UNC79: variants seen among roughly 807,000 people sequenced by gnomAD.
The protein encoded by UNC79 is protein unc-79 homolog.
A neutral mutation model predicts 283.1 loss-of-function variants in UNC79; 37 were observed. That is an observed-to-expected ratio of 0.13 (90% CI 0.10 to 0.17). The LOEUF is 0.17. Among genes scored for constraint, UNC79 ranks in the 10% least tolerant of loss-of-function variants. UNC79 has a pLI of 1.00. For synonymous variants in UNC79, 1,107 were observed against 1,200.2 expected (o/e 0.92, Z 1.61); for missense variants, 2,272 against 3,211.1 (o/e 0.71, Z 7.07).
At chr14:93,632,564 G>A (rs2071850430) in intron 31 of UNC79, among the ~76,000 whole-genome samples, 1 of 151,936 alleles carries the variant, frequency 6.6e-6, no homozygotes, top group Admixed American at 6.6e-5. Context: ...GCCAGGCGTG[G>A]TGGCGCGCAC....
Position 93,415,999 on chromosome 14 carries a change from GT to G in UNC79, c.-350-51666del, listed in dbSNP as rs1186800754. ...CCTGGACTCATTAATTTTTTGGAGGGTTTTTTGTGTCTCTATTTCCTTCAGT... is the reference window on the plus strand; with the variant it reads ...CCTGGACTCATTAATTTTTTGGAGGGTTTTTGTGTCTCTATTTCCTTCAGT... On this transcript the variant is annotated intron_variant, in intron 1 of 49. Transcript: ENST00000256339. 4.6e-5 allele frequency among the ~76,000 whole-genome samples: 7 copies of G among 152,062 alleles called. No homozygotes were observed. The South Asian group carries it at 1.2e-3, about 27-fold the overall frequency.
At chr14:93,669,550 A>G (rs1596308868) in intron 40 of UNC79, among the ~76,000 whole-genome samples, 1 of 152,146 alleles carries the variant, frequency 6.6e-6, no homozygotes, top group South Asian at 2.1e-4. Context: ...AGACACCCCC[A>G]TAGTAACTTT....
rs565701763 is a variant in UNC79 at position 93,460,281 on chromosome 14, G to A, written c.23-7390G>A. ...TCCCAGCACTTTGGGAGGCTAAGGC[G>A]GGCAGATCATGAGGTCAGGAGTTCG... On this transcript the variant is annotated intron_variant, in intron 1 of 48. Coordinates refer to ENST00000555664, the Ensembl canonical transcript of UNC79. Among the ~76,000 whole-genome samples, 10 of 150,820 alleles carry A rather than the reference G, an allele frequency of 6.6e-5. No homozygotes were observed. In the South Asian group the frequency reaches 1.3e-3, roughly 19 times the overall value.
intron 1 of UNC79, among the ~76,000 whole-genome samples, chr14:93,382,316 T>A (rs1260441999): frequency 1.3e-5 from 2 of 152,136 alleles, no homozygotes; most frequent in Non-Finnish European, 2.9e-5. Context: ...TTTCTTATTC[T>A]GAATGTGTAA....
intron 34 of UNC79, among the ~76,000 whole-genome samples, chr14:93,646,388 T>C (rs1171903642): frequency 1.3e-5 from 2 of 152,182 alleles, no homozygotes; most frequent in Non-Finnish European, 2.9e-5. Flanking sequence ...AGTGTTTCCA[T>C]GAAAATGTCT....
chr14:93,695,591 A>G (rs1440809578), intron 47 of UNC79, among the ~76,000 whole-genome samples: 1 of 151,972 alleles, frequency 6.6e-6, no homozygotes, highest in Non-Finnish European at 1.5e-5. Context: ...CATATCCATC[A>G]CCTCCAAAAG....
intron 1 of UNC79, among the ~76,000 whole-genome samples, chr14:93,387,078 G>T (rs34800970): frequency 6.6e-6 from 1 of 151,520 alleles, no homozygotes; most frequent in East Asian, 1.9e-4. Context: ...AAGTAGCTCA[G>T]ATTACAGGCA....
intron 37 of UNC79, among the ~76,000 whole-genome samples, chr14:93,654,830 C>G (rs1028877787): frequency 1.3e-5 from 2 of 152,136 alleles, no homozygotes; most frequent in Non-Finnish European, 2.9e-5. Context: ...GTTCAAGTCT[C>G]AGCACTGCTG....
chr14:93,576,415 C>A (rs2063480121), intron 17 of UNC79, among the ~76,000 whole-genome samples: 1 of 151,850 alleles, frequency 6.6e-6, no homozygotes, highest in African/African-American at 2.4e-5. Flanking sequence ...CATGTGTTCC[C>A]CCGATTCTAA....
intron 11 of UNC79, among the ~76,000 whole-genome samples, chr14:93,536,984 G>T (rs1157820102): frequency 6.6e-6 from 1 of 152,040 alleles, no homozygotes; most frequent in Non-Finnish European, 1.5e-5. Context: ...TGGCTGGAAG[G>T]ACTGTCCTGA....
At chr14:93,386,753 G>A (rs1364247991) in intron 1 of UNC79, among the ~76,000 whole-genome samples, 1 of 151,712 alleles carries the variant, frequency 6.6e-6, no homozygotes, top group African/African-American at 2.4e-5. Flanking sequence ...AATTCCTTTG[G>A]TATTAGTTAC....
intron 20 of UNC79, among the ~76,000 whole-genome samples, chr14:93,584,014 TC>T (rs2064026294): frequency 6.6e-6 from 1 of 151,986 alleles, no homozygotes; most frequent in South Asian, 2.1e-4. Flanking sequence ...GCCATGTTGC[TC>T]AGGCTGTTCT....
At chr14:93,638,815 G>A (rs761645188) in intron 32 of UNC79, among the ~76,000 whole-genome samples, 2 of 152,144 alleles carry the variant, frequency 1.3e-5, no homozygotes, top group African/African-American at 2.4e-5. Flanking sequence ...CGGTGGCTGA[G>A]GTCTGTGGCT....
chr14:93,436,894 T>A (rs947342805), intron 1 of UNC79, among the ~76,000 whole-genome samples: 3 of 152,158 alleles, frequency 2.0e-5, no homozygotes, highest in Non-Finnish European at 2.9e-5. Context: ...AAGACCAATG[T>A]TACCAACAGC....
chr14:93,432,008 A>G lies in UNC79; in HGVS notation c.22+957A>G, dbSNP rs183923627. ...AAGCAGTAAGTTTGAATTTTTAACA[A>G]TATACCAGAACTTATTCACCTAGAT... is the stretch of plus-strand genomic sequence containing the variant. On this transcript the variant is annotated intron_variant, in intron 1 of 48. Transcript: ENST00000555664. 1.9e-3 allele frequency among the ~76,000 whole-genome samples: 282 copies of G among 152,340 alleles called. 2 individuals are homozygous for G. The highest frequency in any genetic ancestry group is 6.4e-3 in the African/African-American group (268 of 41,572).
chr14:93,702,623 C>T (rs2075611708), intron 47 of UNC79, among the ~76,000 whole-genome samples: 1 of 152,216 alleles, frequency 6.6e-6, no homozygotes. Flanking sequence ...CTATGACTAA[C>T]TTTGAACTCT....
chr14:93,620,893 A>T (rs1310484077), intron 29 of UNC79: 1 of 512,602 alleles, frequency 2.0e-6, no homozygotes, highest in South Asian at 1.4e-5. Context: ...CCCAATTAGA[A>T]GAAGATAGTG....
chr14:93,683,704 C>T (rs186900197), intron 42 of UNC79, among the ~76,000 whole-genome samples: 1 of 152,060 alleles, frequency 6.6e-6, no homozygotes, highest in African/African-American at 2.4e-5. Flanking sequence ...ATATAGGTCC[C>T]TTTCTGATGA....
Position 93,660,563 on chromosome 14 carries a change from A to ATG in UNC79, c.6525+1318_6525+1319dup, listed in dbSNP as rs1555394962. Among the ~76,000 whole-genome samples the ATG allele has an allele frequency of 7.9e-3, 507 of 64,528 alleles. 13 individuals are homozygous for ATG. The highest frequency in any genetic ancestry group is 0.016 in the East Asian group (29 of 1,832). The allele number at this position is 64,528 out of a possible 152,430, so 42.3% of individuals were successfully genotyped here. A position where few individuals can be genotyped will look rare whatever the true frequency, so the allele number is the denominator to read the frequency against. The stretch of plus-strand genomic sequence containing the variant: ...TATATATATATATATATATATATAT[A>ATG]TGTGTGTGTGTGTGTGTTCATTTTA... On this transcript the variant is annotated intron_variant, in intron 39 of 48. Transcript: ENST00000555664.
Sources: allele counts gnomAD v4.1 joint callset (sites outside exome capture counted in the v4.1 genomes callset), GRCh38; gene constraint gnomAD v4.1.1; transcripts MANE v1.5; gene names NCBI Gene and HGNC (gene_info 2026-07-23, HGNC 2026-07-21).